The following PRICKLE2 variants were observed in gnomAD, a reference collection of about 807,000 sequenced individuals.
PRICKLE2 encodes the protein prickle-like protein 2.
In PRICKLE2, 21 loss-of-function variants were observed where a neutral mutation model predicts 81.4. The ratio of observed to expected loss-of-function variants is 0.26; its 90% CI spans 0.18 to 0.37. The LOEUF (loss-of-function observed/expected upper bound fraction) is 0.37, where lower values mean the gene tolerates loss of function less well. PRICKLE2 is among the 10% of genes least tolerant of loss of function. The probability of loss-of-function intolerance (pLI) is 1.00; values close to 1 mark genes in which losing one functional copy is unlikely to be tolerated. For synonymous variants in PRICKLE2, 456 were observed against 421.5 expected, an observed-to-expected ratio of 1.08 and a Z score of -1.00; for missense variants, 940 against 1,109.0, an observed-to-expected ratio of 0.85 and a Z score of 2.16.
At chr3:64,257,687 T>C (rs569511702) in intron 2 of PRICKLE2, among the ~76,000 whole-genome samples, 1 of 152,110 alleles carries the variant, frequency 6.6e-6, no homozygotes, top group South Asian at 2.1e-4. Context: ...ATCAAGAGAA[T>C]GTAGGCATGG....
chr3:64,198,128 C>T (rs1326003416), intron 2 of PRICKLE2, among the ~76,000 whole-genome samples: 3 of 151,832 alleles, frequency 2.0e-5, no homozygotes, highest in Non-Finnish European at 2.9e-5. Context: ...AGGAGAATGG[C>T]GTGAACCCGG....
At chr3:64,220,916 C>A (rs186582867) in intron 1 of PRICKLE2, among the ~76,000 whole-genome samples, 1 of 152,136 alleles carries the variant, frequency 6.6e-6, no homozygotes, top group Non-Finnish European at 1.5e-5. Context: ...AAAATCTGCT[C>A]CTTTTAATTA....
chr3:64,145,283 T>A (rs978243836), intron 7 of PRICKLE2: 17 of 146,656 alleles, frequency 1.2e-4, no homozygotes, highest in South Asian at 6.3e-4. Flanking sequence ...TATATATATA[T>A]AATATATTTG....
intron 7 of PRICKLE2, among the ~76,000 whole-genome samples, chr3:64,116,930 T>C (rs751915824): frequency 9.2e-5 from 14 of 152,118 alleles, no homozygotes; most frequent in African/African-American, 2.2e-4. Context: ...TTGATGAACA[T>C]TGATGCAAAA....
chr3:64,133,936 T>C (rs185141043), intron 7 of PRICKLE2, among the ~76,000 whole-genome samples: 13 of 152,336 alleles, frequency 8.5e-5, no homozygotes, highest in Non-Finnish European at 5.9e-5. Context: ...GAATGATTCC[T>C]GAGTTCTGGT....
intron 2 of PRICKLE2, among the ~76,000 whole-genome samples, chr3:64,168,624 T>G (rs1017790179): frequency 2.0e-5 from 3 of 152,166 alleles, no homozygotes; most frequent in Non-Finnish European, 1.5e-5. Context: ...ACTCATCAGA[T>G]TGAATATCAC....
At chr3:64,110,419 T>C (rs986469584) in intron 7 of PRICKLE2, among the ~76,000 whole-genome samples, 3 of 152,168 alleles carry the variant, frequency 2.0e-5, no homozygotes, top group African/African-American at 2.4e-5. Flanking sequence ...GGAGCACAAC[T>C]GTGAACAAGG....
chr3:64,203,257 T>C (rs2078621715), intron 1 of PRICKLE2, among the ~76,000 whole-genome samples: 1 of 152,208 alleles, frequency 6.6e-6, no homozygotes, highest in Non-Finnish European at 1.5e-5. Flanking sequence ...CTTTTAAAAA[T>C]AGTCAGAGCT....
Position 64,147,401 on chromosome 3 carries a change from G to A in PRICKLE2, c.1089C>T (p.Asn363=). ...NQHSQLQVSS[N]RLSADVDPLS... is the part of the protein sequence containing the mutation. The stretch of plus-strand genomic sequence containing the variant: ...GGGGGTCTACGTCGGCTGACAGCCG[G>A]TTAGAACTCACTTGCAGCTGGCTGT... Residue 363 remains asparagine, a synonymous_variant, in exon 7 of 8, where the codon AAC becomes AAT. Transcript: ENST00000638394. The surrounding 1 kb of genome is among the most constrained non-coding windows in gnomAD (Gnocchi z 5.0). 6.2e-7 allele frequency: 1 copy of A among 1,614,256 alleles called. No individual in the cohort carries two copies. Among genetic ancestry groups the A allele is most frequent in the Non-Finnish European group, 8.5e-7 (1 of 1,180,054 alleles).
intron 1 of PRICKLE2, among the ~76,000 whole-genome samples, chr3:64,214,366 A>C (rs768972174): frequency 3.7e-4 from 56 of 152,324 alleles, no homozygotes; most frequent in Non-Finnish European, 7.1e-4. Context: ...CTGGATGTAA[A>C]GCCCCTCAAT....
At position 64,151,113 on chromosome 3, in the gene PRICKLE2, C is replaced by T. The variant is rs73124809; in HGVS notation, c.787+2069G>A. Among the ~76,000 whole-genome samples the T allele has an allele frequency of 6.8e-3, 1,031 of 152,302 alleles. 7 individuals carry two copies. Among genetic ancestry groups the T allele is most frequent in the Non-Finnish European group, 0.011 (749 of 68,032 alleles). On this transcript the variant is annotated intron_variant, in intron 6 of 7. Transcript: ENST00000638394. The stretch of plus-strand genomic sequence containing the variant: ...CGTTGCCCTAGCAACGGCTGCCTGA[C>T]GCAGGGCCTGCTCTGAGCGGCTGTA...
intron 7 of PRICKLE2, among the ~76,000 whole-genome samples, chr3:64,109,887 G>C (rs2076816221): frequency 6.6e-6 from 1 of 152,164 alleles, no homozygotes; most frequent in African/African-American, 2.4e-5. Context: ...ACAGTTACAA[G>C]GACAAGTCAG....
intron 6 of PRICKLE2, among the ~76,000 whole-genome samples, chr3:64,150,818 T>C (rs1358785588): frequency 4.6e-5 from 7 of 152,044 alleles, no homozygotes; most frequent in Admixed American, 1.3e-4. Context: ...AGGGCTCAGT[T>C]TGGGAGAGTG....
rs759860229 is a variant in PRICKLE2 at position 64,099,118 on chromosome 3, G to A, written c.2468C>T (p.Thr823Ile). 2 of 1,614,198 alleles carry A rather than the reference G, an allele frequency of 1.2e-6. No homozygotes were observed. Among genetic ancestry groups the A allele is most frequent in the Non-Finnish European group, 1.7e-6 (2 of 1,180,036 alleles). ...GTGCAACTGTCCTCTGCCACCTAATGTGGAAGATTTGGGGAGGCCGTAGGA... is the reference window on the plus strand; with the variant it reads ...GTGCAACTGTCCTCTGCCACCTAATATGGAAGATTTGGGGAGGCCGTAGGA... ...YSSYGLPKSS[T>I]LGGRGQLHSR... Residue 823 changes from threonine to isoleucine, a missense_variant, in exon 8 of 8, where the codon ACA (threonine) becomes ATA (isoleucine). Physicochemically the swap from Thr to Ile is moderately conservative, Grantham distance 89. Transcript: ENST00000638394. This position sits in a 1 kb window ranked among gnomAD's most constrained non-coding sequence, Gnocchi z 4.3.
chr3:64,135,753 GC>G (rs2077269424), intron 7 of PRICKLE2, among the ~76,000 whole-genome samples: 1 of 152,066 alleles, frequency 6.6e-6, no homozygotes, highest in Non-Finnish European at 1.5e-5. Context: ...CACACACAGA[GC>G]TATCTGGGTG....
At chr3:64,117,562 C>T (rs1019680350) in intron 7 of PRICKLE2, among the ~76,000 whole-genome samples, 12 of 152,092 alleles carry the variant, frequency 7.9e-5, no homozygotes, top group African/African-American at 2.9e-4. Flanking sequence ...CAACAATAGT[C>T]AAGCCAAAAG....
chr3:64,196,222 G>A (rs370625148), intron 2 of PRICKLE2, among the ~76,000 whole-genome samples: 2 of 152,146 alleles, frequency 1.3e-5, no homozygotes, highest in East Asian at 1.9e-4. Flanking sequence ...AGGGAATGAC[G>A]TTTAATGGTC....
At position 64,150,983 on chromosome 3, in the gene PRICKLE2, C is replaced by T. The variant is rs750614714; in HGVS notation, c.787+2199G>A. ...TCTAAGCGTTCTTTTTTTATTCCTT[C>T]TCTAAGCCCTTTAAGTACTTCTTGG... On this transcript the variant is annotated intron_variant, in intron 6 of 7. Transcript: ENST00000638394. Among the ~76,000 whole-genome samples, 60 of 152,186 alleles carry T rather than the reference C, an allele frequency of 3.9e-4. 1 individual carries two copies. The highest frequency in any genetic ancestry group is 1.3e-4 in the Non-Finnish European group (9 of 68,022).
At chr3:64,197,428 T>G (rs935416289) in intron 2 of PRICKLE2, among the ~76,000 whole-genome samples, 1 of 152,200 alleles carries the variant, frequency 6.6e-6, no homozygotes, top group Non-Finnish European at 1.5e-5. Context: ...TGCCCACTTT[T>G]TAATGGGATT....
Sources: allele counts gnomAD v4.1 joint callset (sites outside exome capture counted in the v4.1 genomes callset), GRCh38; gene constraint gnomAD v4.1.1; non-coding constraint Gnocchi (gnomAD v3.1); transcripts MANE v1.5; gene names NCBI Gene and HGNC (gene_info 2026-07-23, HGNC 2026-07-21).